Variants in CNDP1 observed in about 807,000 individuals in gnomAD.
CNDP1 encodes beta-Ala-His dipeptidase.
CNDP1 carries 44 observed loss-of-function variants against 58.1 expected under a neutral mutation model. The ratio of observed to expected loss-of-function variants is 0.76; its 90% confidence interval spans 0.60 to 0.97. The LOEUF is 0.97. Ranked by LOEUF, CNDP1 falls within the 50% of genes least tolerant of loss-of-function variation. CNDP1 has a pLI of 0.00. For synonymous variants in CNDP1, 254 were observed against 252.6 expected (o/e 1.01, Z -0.05); for missense variants, 616 against 655.1 (o/e 0.94, Z 0.65).
At chr18:74,559,181 T>A (rs1357732437) in intron 2 of CNDP1, 142 bp from the exon 3 acceptor site, 1 of 751,372 alleles carries the variant, frequency 1.3e-6, no homozygotes, top group Non-Finnish European at 2.3e-6. Context: ...GTCACAGTGT[T>A]CACTGGCACT....
chr18:74,534,873 T>C (rs1980447392), intron 1 of CNDP1, among the ~76,000 whole-genome samples, 182 bp downstream of exon 1: 1 of 152,264 alleles, frequency 6.6e-6, no homozygotes, highest in African/African-American at 2.4e-5. Context: ...AATTATATTT[T>C]ATCAGTAATG....
intron 2 of CNDP1, among the ~76,000 whole-genome samples, chr18:74,557,115 C>T (rs988208211): frequency 3.3e-5 from 5 of 151,988 alleles, no homozygotes; most frequent in Admixed American, 2.6e-4. Flanking sequence ...ACGGGATTTC[C>T]CCATGATGGG....
chr18:74,573,019 T>C (rs1981525702), intron 7 of CNDP1, among the ~76,000 whole-genome samples: 1 of 152,128 alleles, frequency 6.6e-6, no homozygotes. Flanking sequence ...GCTTTCTCCT[T>C]CATTCTCCCA....
At chr18:74,554,586 C>T (rs1980989083) in intron 1 of CNDP1, among the ~76,000 whole-genome samples, 1 of 152,216 alleles carries the variant, frequency 6.6e-6, no homozygotes, top group African/African-American at 2.4e-5. Flanking sequence ...GGCTTGAGGC[C>T]AAGGGATGGG....
intron 9 of CNDP1, among the ~76,000 whole-genome samples, 176 bp from the exon 10 acceptor site, chr18:74,579,954 C>T (rs1468005671): frequency 6.6e-6 from 1 of 152,196 alleles, no homozygotes; most frequent in Non-Finnish European, 1.5e-5. Context: ...CACTCTCGCC[C>T]TCTGGCAGAG....
chr18:74,560,896 T>C lies in CNDP1; in HGVS notation c.344T>C (p.Leu115Pro). Residue 115 changes from leucine to proline, a missense_variant, in exon 4 of 12, where the codon CTG (leucine) becomes CCG (proline). By Grantham distance (98) the Leu-to-Pro change is moderately conservative. Transcript: ENST00000358821. ...GQSLPIPPVILAELGSDPTKG... is the reference protein window; with the variant it reads ...GQSLPIPPVIPAELGSDPTKG... ...AGTCTTCCAATACCTCCCGTCATCC[T>C]GGCCGAACTGGGGAGCGATCCCACG... The C allele has an allele frequency of 4.3e-6, 7 of 1,614,182 alleles. No individual in the cohort carries two copies. Among genetic ancestry groups the C allele is most frequent in the Non-Finnish European group, 5.1e-6 (6 of 1,180,026 alleles).
chr18:74,545,208 G>A lies in CNDP1; in HGVS notation c.24+10517G>A, dbSNP rs1029181544. On this transcript the variant is annotated intron_variant, in intron 1 of 11. Transcript: ENST00000358821. This position sits in a 1 kb window ranked among gnomAD's most constrained non-coding sequence, Gnocchi z 4.1. ...CAGCCTGAGGAAGCTAGTGGAGACCGATGGGAAAGCCCCGCCCTCTCCTCG... is the reference window on the plus strand; with the variant it reads ...CAGCCTGAGGAAGCTAGTGGAGACCAATGGGAAAGCCCCGCCCTCTCCTCG... Among the ~76,000 whole-genome samples the A allele has an allele frequency of 2.6e-5, 4 of 152,314 alleles. No individual in the cohort carries two copies. Among genetic ancestry groups the A allele is most frequent in the Middle Eastern group, 3.4e-3 (1 of 294 alleles).
rs1029693798 is a variant in CNDP1, at chr18:74,561,120, T to C, written c.466+102T>C. ...CTGGGTTTTGGGTCTCTCCCTGTCA[T>C]TAAGAATGCATAGGCCGGGTGCGGT... On this transcript the variant is annotated intron_variant, in intron 4 of 11. Coordinates refer to ENST00000358821, the MANE Select transcript of CNDP1 (RefSeq NM_032649.6). The C allele has an allele frequency of 4.2e-6, 6 of 1,435,190 alleles. No homozygotes were observed. In the African/African-American group the frequency reaches 5.6e-5, roughly 13 times the overall value. The allele number at this position is 1,435,190 out of a possible 1,614,324, so 88.9% of individuals were successfully genotyped here.
intron 7 of CNDP1, among the ~76,000 whole-genome samples, chr18:74,575,329 C>T (rs1046371310): frequency 6.6e-5 from 10 of 152,334 alleles, no homozygotes; most frequent in Admixed American, 1.3e-4. Context: ...GCTTAGAAGG[C>T]ACGCACTCTG....
chr18:74,566,239 G>A (rs982740636), intron 5 of CNDP1, among the ~76,000 whole-genome samples: 26 of 152,228 alleles, frequency 1.7e-4, no homozygotes, highest in African/African-American at 6.0e-4. Context: ...TGGGGCTGCC[G>A]TGAAGGTCTC....
chr18:74,568,204 A>G (rs1279143383), intron 6 of CNDP1, among the ~76,000 whole-genome samples: 3 of 152,216 alleles, frequency 2.0e-5, no homozygotes, highest in Non-Finnish European at 4.4e-5. Flanking sequence ...GCTGTATCCA[A>G]TCCCTAGGCA....
At chr18:74,574,995 G>A (rs1981589124) in intron 7 of CNDP1, among the ~76,000 whole-genome samples, 1 of 132,422 alleles carries the variant, frequency 7.6e-6, no homozygotes, top group South Asian at 2.7e-4. Flanking sequence ...AGAAAAGGAA[G>A]AAAGGAAGGA....
chr18:74,583,629 A>G lies in CNDP1; in HGVS notation c.1378A>G (p.Ile460Val). 1.2e-6 allele frequency: 2 copies of G among 1,614,122 alleles called. No individual in the cohort carries two copies. The highest frequency in any genetic ancestry group is 8.5e-7 in the Non-Finnish European group (1 of 1,180,008). Residue 460 changes from isoleucine to valine, a missense_variant, in exon 11 of 12, where the codon ATC (isoleucine) becomes GTC (valine). By Grantham distance (29) the Ile-to-Val change is conservative. Coordinates refer to ENST00000358821, the MANE Select transcript of CNDP1 (RefSeq NM_032649.6). ...TIPIAKMFQE[I>V]VHKSVVLIPL... The stretch of plus-strand genomic sequence containing the variant: ...TCCAATTGCCAAAATGTTCCAGGAG[A>G]TCGTCCACAAGAGCGTGGTGCTAAT...
In CNDP1 at chr18:74,571,203, G is replaced by A; in HGVS notation, c.774G>A (p.Gln258=). Residue 258 remains glutamine, a synonymous_variant, in exon 7 of 12, where the codon CAG becomes CAA. Transcript: ENST00000358821. ...YFMVEVKCRD[Q]DFHSGTFGGI... ...CTCTGCAGGTGAAATGCAGAGACCA[G>A]GATTTTCACTCAGGAACCTTTGGTG... is the stretch of plus-strand genomic sequence containing the variant. 1 of 1,612,842 alleles carries A rather than the reference G, an allele frequency of 6.2e-7. No homozygotes were observed. The highest frequency in any genetic ancestry group is 8.5e-7 in the Non-Finnish European group (1 of 1,178,938).
chr18:74,583,973 T>C (rs1981852222), intron 11 of CNDP1: 1 of 448,518 alleles, frequency 2.2e-6, no homozygotes. Flanking sequence ...GTGTCTCTCT[T>C]TTTATAAGAG....
At chr18:74,555,522 T>A (rs570526712) in intron 1 of CNDP1, among the ~76,000 whole-genome samples, 1 of 152,076 alleles carries the variant, frequency 6.6e-6, no homozygotes, top group South Asian at 2.1e-4. Flanking sequence ...CTGGGGGGCC[T>A]CTGTGAAGGG....
rs56408022 is a variant in CNDP1, at chr18:74,543,509, CAAAATAAAAT to C, written c.24+8843_24+8852del. On this transcript the variant is annotated intron_variant, in intron 1 of 11. Coordinates refer to ENST00000358821, the MANE Select transcript of CNDP1 (RefSeq NM_032649.6). ...TCCTGTCTCAAAAAATAAAACAAAA[CAAAATAAAAT>C]AAAATAAAATAAAATAAAATAAAAA... Among the ~76,000 whole-genome samples, 1,339 of 148,764 alleles carry C rather than the reference CAAAATAAAAT, an allele frequency of 9.0e-3. 17 individuals are homozygous for C. The highest frequency in any genetic ancestry group is 0.044 in the Middle Eastern group (13 of 294).
In CNDP1 at chr18:74,572,805, AAAAAAAG is replaced by A. The variant is rs1392041711; in HGVS notation, c.841+1539_841+1545del. Reference sequence around the variant, plus strand: ...GACCCTGTATCAAAAAAAAAAAAAAAAAAAAAGAAAGAAAGAAAGAAAGAAAAATAAT... The same window carrying A: ...GACCCTGTATCAAAAAAAAAAAAAAAAAAGAAAGAAAGAAAGAAAAATAAT... On this transcript the variant is annotated intron_variant, in intron 7 of 11. Transcript: ENST00000358821. Among the ~76,000 whole-genome samples the A allele has an allele frequency of 9.9e-5, 14 of 140,882 alleles. No homozygotes were observed. In the East Asian group the frequency reaches 1.8e-3, roughly 18 times the overall value. 92.4% of individuals were successfully genotyped at this position (140,882 alleles called of 152,430 possible). A position where few individuals can be genotyped will look rare whatever the true frequency, so the allele number is the denominator to read the frequency against.
At chr18:74,537,985 A>C (rs1980525427) in intron 1 of CNDP1, among the ~76,000 whole-genome samples, 1 of 151,970 alleles carries the variant, frequency 6.6e-6, no homozygotes, top group African/African-American at 2.4e-5. Context: ...TAAATCCCAT[A>C]CTCAGGTTTT....
Sources: gnomAD v4.1 joint callset for allele counts (sites outside exome capture counted in the v4.1 genomes callset) on GRCh38, gnomAD v4.1.1 for gene constraint, Gnocchi (gnomAD v3.1) non-coding constraint, MANE v1.5 for transcripts, NCBI Gene and HGNC (gene_info 2026-07-23, HGNC 2026-07-21) for gene names.